GLB1: variants seen among roughly 807,000 people sequenced by gnomAD.
GLB1 encodes beta-galactosidase.
A neutral mutation model predicts 74.0 loss-of-function variants in GLB1; 56 were observed. The observed-to-expected ratio is 0.76, with a 90% CI of 0.61 to 0.94. The LOEUF (loss-of-function observed/expected upper bound fraction) is 0.94, where lower values mean the gene tolerates loss of function less well. Ranked by LOEUF, GLB1 falls within the 40% of genes least tolerant of loss-of-function variation. GLB1 has a pLI of 0.00. For synonymous variants in GLB1, 323 were observed against 323.6 expected (o/e 1.00, Z 0.02); for missense variants, 787 against 845.5 (o/e 0.93, Z 0.86).
chr3:32,997,299 C>T lies in GLB1; in HGVS notation c.1780G>A (p.Ala594Thr). Reference protein sequence around the residue: ...NGFNLGRYWPARGPQLTLFVP... With the variant: ...NGFNLGRYWPTRGPQLTLFVP... Reference sequence around the variant, plus strand: ...AACAAGGTCAACTGAGGGCCCCGGGCTGGCCAATAGCGGCCAAGGTTAAAG... The same window carrying T: ...AACAAGGTCAACTGAGGGCCCCGGGTTGGCCAATAGCGGCCAAGGTTAAAG... The change falls in exon 16 of 16, where the codon GCC becomes ACC. Residue 594 changes from alanine (A) to threonine (T), a missense_variant. By Grantham distance (58) the Ala-to-Thr change is moderately conservative. Coordinates refer to ENST00000307363, the MANE Select transcript of GLB1 (RefSeq NM_000404.4). 3 of 1,614,064 alleles carry T rather than the reference C, an allele frequency of 1.9e-6. No individual in the cohort carries two copies. The highest frequency in any genetic ancestry group is 2.2e-5 in the South Asian group (2 of 91,078).
chr3:32,974,331 G>C, the GLB1 span, among the ~76,000 whole-genome samples: 2 of 152,058 alleles, frequency 1.3e-5, no homozygotes, highest in Non-Finnish European at 2.9e-5. Context: ...GGGAGGGAAA[G>C]AAATAGGACC....
chr3:33,046,881 A>G (rs9827128), intron 9 of GLB1, among the ~76,000 whole-genome samples: 150,621 of 152,246 alleles, frequency 0.99, 74,532 homozygotes, highest in Middle Eastern at 1. Flanking sequence ...TTCTCCCAGC[A>G]GCTAGGGCTG....
At chr3:33,064,501 G>C (rs1575466779) in intron 5 of GLB1, among the ~76,000 whole-genome samples, 1 of 149,892 alleles carries the variant, frequency 6.7e-6, no homozygotes, top group Non-Finnish European at 1.5e-5. Flanking sequence ...TCATAGCCGG[G>C]CACGGTGGCT....
In GLB1 at chr3:33,068,894, G is replaced by C; in HGVS notation, c.322C>G (p.Leu108Val). ...FSEDHDVEYF[L>V]RLAHELGLLV... The stretch of plus-strand genomic sequence containing the variant: ...AGTCCCAGCTCATGAGCCAGCCGAA[G>C]AAAATATTCCACATCATGGTCCTCA... Residue 108 changes from leucine to valine, a missense_variant, in exon 3 of 16, where the codon CTT becomes GTT. Coordinates refer to ENST00000307363, the MANE Select transcript of GLB1 (RefSeq NM_000404.4). 1 of 1,614,136 alleles carries C rather than the reference G, an allele frequency of 6.2e-7. No individual in the cohort carries two copies. Among genetic ancestry groups the C allele is most frequent in the African/African-American group, 1.3e-5 (1 of 75,014 alleles).
At chr3:33,029,932 T>A (rs1477630139) in intron 10 of GLB1, 5 of 145,250 alleles carry the variant, frequency 3.4e-5, no homozygotes, top group Non-Finnish European at 7.5e-5. Context: ...ATCTTGCACA[T>A]GTACCCATGA....
intron 10 of GLB1, among the ~76,000 whole-genome samples, chr3:33,028,274 T>C (rs1697856501): frequency 6.6e-6 from 1 of 152,212 alleles, no homozygotes; most frequent in African/African-American, 2.4e-5. Context: ...TGTACTGCTT[T>C]TTCTTATCAT....
intron 7 of GLB1, 134 bp downstream of exon 7, chr3:33,053,357 T>G (rs1699077583): frequency 4.9e-6 from 6 of 1,233,768 alleles, no homozygotes; most frequent in Non-Finnish European, 7.0e-6. Context: ...ATGTCCAGAA[T>G]GGCTATGACT....
Position 33,051,615 on chromosome 3 carries a change from A to AAAAAAAG in GLB1, c.955+142_955+143insCTTTTTT, listed in dbSNP as rs764769471. 7.1e-3 allele frequency: 8,289 copies of AAAAAAAG among 1,172,716 alleles called. 30 individuals are homozygous for AAAAAAAG. Among genetic ancestry groups the AAAAAAAG allele is most frequent in the East Asian group, 0.034 (1,139 of 33,940 alleles). 72.6% of individuals were successfully genotyped at this position (1,172,716 alleles called of 1,614,324 possible). On this transcript the variant is annotated intron_variant, in intron 9 of 15. Coordinates refer to ENST00000307363, the MANE Select transcript of GLB1 (RefSeq NM_000404.4). ...GTGAGACTGTCTACAAAAAAAAAAA[A>AAAAAAAG]AAAAGAAAAAGAAAAAAAAAGAAAA...
chr3:33,050,497 T>A (rs4263242), intron 9 of GLB1, among the ~76,000 whole-genome samples: 12,333 of 152,288 alleles, frequency 0.081, 1,159 homozygotes, highest in East Asian at 0.48. Context: ...ACAACGTGGA[T>A]GAGCGTTGAA....
At chr3:33,090,040 C>G (rs977996264) in intron 1 of GLB1, among the ~76,000 whole-genome samples, 3 of 152,156 alleles carry the variant, frequency 2.0e-5, no homozygotes, top group Non-Finnish European at 2.9e-5. Context: ...GTGACAGATA[C>G]AGCTACTTAA....
Position 33,055,563 on chromosome 3 carries a change from C to T in GLB1, c.734-2014G>A, listed in dbSNP as rs1038428062. On this transcript the variant is annotated intron_variant, in intron 6 of 15. Coordinates refer to ENST00000307363, the MANE Select transcript of GLB1 (RefSeq NM_000404.4). ...GCAACCTCTGGCTCCCGGGTTCAAGCAATTCTCCTGCCTCAGCCTCCTAAG... is the reference window on the plus strand; with the variant it reads ...GCAACCTCTGGCTCCCGGGTTCAAGTAATTCTCCTGCCTCAGCCTCCTAAG... Among the ~76,000 whole-genome samples the T allele has an allele frequency of 3.3e-5, 5 of 149,272 alleles. No homozygotes were observed. The South Asian group carries it at 1.1e-3, about 32-fold the overall frequency.
downstream of GLB1, among the ~76,000 whole-genome samples, chr3:32,992,487 A>G (rs1696243304): frequency 6.6e-6 from 1 of 152,244 alleles, no homozygotes; most frequent in Non-Finnish European, 1.5e-5. Context: ...AGCAGCTACT[A>G]CATGGCAAAT....
At chr3:32,983,851 T>A in the GLB1 span, among the ~76,000 whole-genome samples, 4 of 149,030 alleles carry the variant, frequency 2.7e-5, no homozygotes, top group South Asian at 2.1e-4. Context: ...AGCTAATTTT[T>A]AAATTTTTTT....
At chr3:33,021,761 C>CA in intron 11 of GLB1, 106 bp from the exon 12 acceptor site, 3 of 1,204,614 alleles carry the variant, frequency 2.5e-6, no homozygotes, top group Middle Eastern at 1.9e-4. Context: ...TGACCAAACC[C>CA]CTAAATAAAC....
chr3:32,967,345 T>C, the GLB1 span, among the ~76,000 whole-genome samples: 1 of 152,126 alleles, frequency 6.6e-6, no homozygotes, highest in Non-Finnish European at 1.5e-5. Context: ...GACAGGAAGA[T>C]CACCTGAGGT....
chr3:32,982,510 A>C, the GLB1 span, among the ~76,000 whole-genome samples: 1 of 152,156 alleles, frequency 6.6e-6, no homozygotes, highest in African/African-American at 2.4e-5. Context: ...ACAACAACAA[A>C]AAAAACCACA....
the GLB1 span, among the ~76,000 whole-genome samples, chr3:32,983,394 T>C: frequency 6.6e-6 from 1 of 152,284 alleles, no homozygotes; most frequent in Admixed American, 6.5e-5. Flanking sequence ...CCCAAACCCA[T>C]ATGTTGTGTT....
chr3:33,016,919 T>C (rs1440409407), intron 13 of GLB1, 79 bp from the exon 14 acceptor site: 1 of 1,580,586 alleles, frequency 6.3e-7, no homozygotes, highest in East Asian at 2.3e-5. Flanking sequence ...TCAGTTAATT[T>C]AGCACTCATT....
Position 33,031,640 on chromosome 3 carries a change from A to T in GLB1, c.1069-7315T>A, listed in dbSNP as rs11927839. ...AAAAAAAAAAAAAAAAAAAAAAAAA[A>T]ATATATATATATATATATATATATA... On this transcript the variant is annotated intron_variant, in intron 10 of 15. Transcript: ENST00000307363. Among the ~76,000 whole-genome samples, 38 of 35,736 alleles carry T rather than the reference A, an allele frequency of 1.1e-3. 1 individual carries two copies. Among genetic ancestry groups the T allele is most frequent in the East Asian group, 1.4e-3 (2 of 1,408 alleles). The allele number at this position is 35,736 out of a possible 152,430, so 23.4% of individuals were successfully genotyped here.
Sources: gnomAD v4.1 joint callset for allele counts (sites outside exome capture counted in the v4.1 genomes callset) on GRCh38, gnomAD v4.1.1 for gene constraint, MANE v1.5 for transcripts, NCBI Gene and HGNC (gene_info 2026-07-23, HGNC 2026-07-21) for gene names.